The following VPS13B variants were observed in gnomAD, a reference collection of about 807,000 sequenced individuals.
VPS13B encodes intermembrane lipid transfer protein VPS13B.
VPS13B carries 285 observed loss-of-function variants against 426.4 expected under a neutral mutation model. The observed-to-expected ratio is 0.67, with a 90% CI of 0.61 to 0.74. VPS13B has a LOEUF of 0.74. VPS13B is among the 30% of genes least tolerant of loss of function. The pLI, the probability that VPS13B is intolerant of heterozygous loss-of-function variation, is 0.00. For missense variants in VPS13B, 4,537 were observed against 4,782.6 expected (o/e 0.95, Z 1.51); for synonymous variants, 1,676 against 1,676.4 (o/e 1.00, Z 0.01).
intron 56 of VPS13B, among the ~76,000 whole-genome samples, chr8:99,857,870 T>G (rs1269308645): frequency 6.6e-6 from 1 of 152,206 alleles, no homozygotes; most frequent in African/African-American, 2.4e-5. Context: ...TTTGTAATCT[T>G]TATCTTCCAG....
intron 19 of VPS13B, among the ~76,000 whole-genome samples, chr8:99,376,300 G>C (rs963070805): frequency 6.6e-6 from 1 of 152,130 alleles, no homozygotes; most frequent in African/African-American, 2.4e-5. Context: ...TTAAAGGTTG[G>C]TATCTTGTGA....
intron 17 of VPS13B, among the ~76,000 whole-genome samples, chr8:99,247,042 C>T (rs966849763): frequency 6.6e-6 from 1 of 152,110 alleles, no homozygotes; most frequent in Non-Finnish European, 1.5e-5. Context: ...TTAAAATCCT[C>T]AACCCCTAAT....
chr8:99,053,303 A>T (rs749495938), intron 3 of VPS13B, among the ~76,000 whole-genome samples: 32 of 151,928 alleles, frequency 2.1e-4, no homozygotes, highest in Non-Finnish European at 4.3e-4. Flanking sequence ...CCCGCACCCC[A>T]CAACAGTCCC....
chr8:99,480,352 T>C (rs141888171), intron 24 of VPS13B, among the ~76,000 whole-genome samples: 6 of 152,292 alleles, frequency 3.9e-5, no homozygotes, highest in Admixed American at 6.5e-5. Flanking sequence ...GAATCAGAAG[T>C]AGTGACAATA....
At chr8:99,195,964 G>A (rs577018890) in intron 17 of VPS13B, among the ~76,000 whole-genome samples, 12 of 152,086 alleles carry the variant, frequency 7.9e-5, no homozygotes, top group Non-Finnish European at 1.6e-4. Context: ...GCTATAGCCT[G>A]TTAGTATAAA....
chr8:99,796,955 G>T (rs1483201182), intron 43 of VPS13B: 1 of 152,174 alleles, frequency 6.6e-6, no homozygotes, highest in Non-Finnish European at 1.5e-5. Flanking sequence ...ATTCTGTTGC[G>T]CAGAGCAAGC....
rs149542858 is a variant in VPS13B at position 99,714,305 on chromosome 8, T to A, written c.6455-2866T>A. Among the ~76,000 whole-genome samples the A allele has an allele frequency of 2.0e-3, 301 of 152,204 alleles. 1 individual carries two copies. The highest frequency in any genetic ancestry group is 3.4e-3 in the Non-Finnish European group (229 of 68,020). On this transcript the variant is annotated intron_variant, in intron 36 of 61. Coordinates refer to ENST00000357162, the MANE Select transcript of VPS13B (RefSeq NM_152564.5). The stretch of plus-strand genomic sequence containing the variant: ...ATTCATGAGTCCATACTGATATAAA[T>A]AAATAATTGAATTAGTATATGGGGT...
chr8:99,359,051 A>G (rs1812348724), intron 19 of VPS13B, among the ~76,000 whole-genome samples: 1 of 152,174 alleles, frequency 6.6e-6, no homozygotes, highest in South Asian at 2.1e-4. Context: ...TTTTCTCTAA[A>G]TTACATTATT....
chr8:99,264,494 A>G (rs1227873537), intron 17 of VPS13B, among the ~76,000 whole-genome samples: 1 of 152,156 alleles, frequency 6.6e-6, no homozygotes, highest in African/African-American at 2.4e-5. Flanking sequence ...ATTGGACTGT[A>G]TATAGATTTT....
chr8:99,734,799 G>C lies in VPS13B; in HGVS notation c.7050+13752G>C, dbSNP rs951019403. ...AATGGGAAGGAGGAAATGAATGTAAGATGGAGACATCTGGAGGCAGAATAA... is the reference window on the plus strand; with the variant it reads ...AATGGGAAGGAGGAAATGAATGTAACATGGAGACATCTGGAGGCAGAATAA... On this transcript the variant is annotated intron_variant, in intron 39 of 61. Coordinates refer to ENST00000357162, the MANE Select transcript of VPS13B (RefSeq NM_152564.5). 9.9e-5 allele frequency among the ~76,000 whole-genome samples: 15 copies of C among 152,182 alleles called. 1 individual carries two copies. Among genetic ancestry groups the C allele is most frequent in the Admixed American group, 9.2e-4 (14 of 15,278 alleles).
intron 21 of VPS13B, among the ~76,000 whole-genome samples, chr8:99,391,982 A>G (rs534301998): frequency 1.2e-4 from 18 of 152,318 alleles, no homozygotes; most frequent in African/African-American, 3.8e-4. Flanking sequence ...TGCCTGCCCT[A>G]TTCTCCAGAG....
intron 35 of VPS13B, among the ~76,000 whole-genome samples, chr8:99,692,008 A>G (rs1478760719): frequency 3.9e-5 from 6 of 151,914 alleles, no homozygotes; most frequent in Non-Finnish European, 7.4e-5. Flanking sequence ...CTAAATATAT[A>G]TGCACCCAAT....
At chr8:99,081,619 A>T in intron 3 of VPS13B, among the ~76,000 whole-genome samples, 1 of 67,854 alleles carries the variant, frequency 1.5e-5, no homozygotes, top group African/African-American at 5.9e-5. Context: ...ACAGGCCCCC[A>T]CCCCACAACA....
intron 33 of VPS13B, among the ~76,000 whole-genome samples, chr8:99,639,842 A>G (rs2133926268): frequency 1.3e-5 from 2 of 149,176 alleles, no homozygotes; most frequent in African/African-American, 4.9e-5. Context: ...ATGGTGGTGC[A>G]TGCCTGTAAT....
At chr8:99,576,057 C>A (rs558962612) in intron 32 of VPS13B, among the ~76,000 whole-genome samples, 8 of 152,256 alleles carry the variant, frequency 5.3e-5, no homozygotes, top group African/African-American at 1.9e-4. Context: ...GAGGAGCTAA[C>A]CAAGCTACCC....
chr8:99,659,636 A>G (rs1256283002), intron 34 of VPS13B, among the ~76,000 whole-genome samples: 1 of 152,220 alleles, frequency 6.6e-6, no homozygotes, highest in Non-Finnish European at 1.5e-5. Flanking sequence ...TCTCAGCGCC[A>G]TGTAAGTTTG....
At chr8:99,834,365 T>C (rs926775111) in intron 52 of VPS13B, among the ~76,000 whole-genome samples, 4 of 152,198 alleles carry the variant, frequency 2.6e-5, no homozygotes, top group Admixed American at 1.3e-4. Context: ...GCTGGTTTTC[T>C]AGCTCCAAAT....
intron 19 of VPS13B, among the ~76,000 whole-genome samples, chr8:99,335,136 T>C (rs1438788837): frequency 6.6e-6 from 1 of 152,196 alleles, no homozygotes; most frequent in Non-Finnish European, 1.5e-5. Flanking sequence ...TTTTCTAGTT[T>C]ATTTGCGTAG....
chr8:99,376,915 A>C (rs1215344610), intron 19 of VPS13B, among the ~76,000 whole-genome samples: 1 of 152,094 alleles, frequency 6.6e-6, no homozygotes, highest in Non-Finnish European at 1.5e-5. Flanking sequence ...TCAACTCAAT[A>C]TCTTTTTTCT....
Sources: allele counts gnomAD v4.1 joint callset (sites outside exome capture counted in the v4.1 genomes callset), GRCh38; gene constraint gnomAD v4.1.1; transcripts MANE v1.5; gene names NCBI Gene and HGNC (gene_info 2026-07-23, HGNC 2026-07-21).